Variants in DCAF8 observed in about 807,000 individuals in gnomAD.
DCAF8 encodes the protein DDB1 and CUL4 associated factor 8.
Under a neutral mutation model 68.0 loss-of-function variants are expected in DCAF8, and 20 were observed. That is an observed-to-expected ratio of 0.29 (90% CI 0.21 to 0.43). The LOEUF (loss-of-function observed/expected upper bound fraction) is 0.43. Among genes scored for constraint, DCAF8 ranks in the 20% least tolerant of loss-of-function variants. The pLI is 1.00. For synonymous variants in DCAF8, 230 were observed against 276.9 expected, an observed-to-expected ratio of 0.83 and a Z score of 1.68; for missense variants, 460 against 771.0, an observed-to-expected ratio of 0.60 and a Z score of 4.78.
chr1:160,254,386 A>G (rs905072023), intron 2 of DCAF8, among the ~76,000 whole-genome samples: 5 of 152,228 alleles, frequency 3.3e-5, no homozygotes, highest in African/African-American at 1.2e-4. Flanking sequence ...AACTATGTCT[A>G]AACAATAAAA....
chr1:160,262,409 G>T (rs1400853747), intron 1 of DCAF8, 40 bp downstream of exon 1: 2 of 400,598 alleles, frequency 5.0e-6, no homozygotes, highest in Non-Finnish European at 4.4e-6. Context: ...AGGCCCAGCC[G>T]CCCCGTCCAC....
At chr1:160,239,675 C>T (rs1486414717) in intron 4 of DCAF8, 22 bp downstream of exon 4, 7 of 1,614,098 alleles carry the variant, frequency 4.3e-6, no homozygotes, top group Non-Finnish European at 5.9e-6. Flanking sequence ...CTCTCAGTTG[C>T]TATTATGCTC....
chr1:160,243,406 CTTTT>C lies in DCAF8; in HGVS notation c.49+550_49+553del, dbSNP rs35258380. On this transcript the variant is annotated intron_variant, in intron 3 of 13. Transcript: ENST00000368074. ...GTAACTTCATCCCTTATGTAATCAC[CTTTT>C]TTTTTTTTTTTTTTAAAAAGACGGG... Among the ~76,000 whole-genome samples, 3 of 138,984 alleles carry C rather than the reference CTTTT, an allele frequency of 2.2e-5. No homozygotes were observed. In the Admixed American group the frequency reaches 2.2e-4, roughly 10 times the overall value. The allele number at this position is 138,984 out of a possible 152,430, so 91.2% of individuals were successfully genotyped here.
Position 160,224,430 on chromosome 1 carries a change from A to G in DCAF8, c.1309+12T>C. The G allele has an allele frequency of 6.2e-7, 1 of 1,603,986 alleles. No homozygotes were observed. The highest frequency in any genetic ancestry group is 8.5e-7 in the Non-Finnish European group (1 of 1,170,770). ...AGGCTTGGGCCAAAGAAACCTAGGA[A>G]GACAGTCTCACCTGTGGCATTATTT... On this transcript the variant is annotated intron_variant, in intron 10 of 13. Coordinates refer to ENST00000368074, the MANE Select transcript of DCAF8 (RefSeq NM_015726.4).
chr1:160,238,788 TGA>T (rs752353308), intron 4 of DCAF8, 41 bp from the exon 5 acceptor site: 23 of 1,556,396 alleles, frequency 1.5e-5, no homozygotes, highest in South Asian at 7.1e-5. Flanking sequence ...ACAAAAGAAA[TGA>T]GAGAGGTAAA....
At chr1:160,250,934 T>A (rs939020137) in intron 2 of DCAF8, among the ~76,000 whole-genome samples, 1 of 152,188 alleles carries the variant, frequency 6.6e-6, no homozygotes, top group Admixed American at 6.5e-5. Context: ...TACCTTACCT[T>A]GAGCCCGATC....
intron 2 of DCAF8, among the ~76,000 whole-genome samples, chr1:160,255,039 C>CATCCCATCT (rs1656771331): frequency 6.6e-6 from 1 of 152,168 alleles, no homozygotes; most frequent in Non-Finnish European, 1.5e-5. Context: ...CATCTCTATA[C>CATCCCATCT]CAGACTACAT....
chr1:160,244,139 A>G, intron 2 of DCAF8, 105 bp from the exon 3 acceptor site: 1 of 906,782 alleles, frequency 1.1e-6, no homozygotes, highest in Non-Finnish European at 1.8e-6. Flanking sequence ...TCATTTTTAT[A>G]AAAATGATTT....
chr1:160,218,164 C>T (rs1655185616), intron 13 of DCAF8, 160 bp downstream of exon 13: 3 of 678,828 alleles, frequency 4.4e-6, no homozygotes, highest in Non-Finnish European at 8.0e-6. Flanking sequence ...CTGCTGATGT[C>T]TCTTCCAAGG....
chr1:160,241,522 T>C (rs1216116159), intron 3 of DCAF8, among the ~76,000 whole-genome samples: 1 of 152,210 alleles, frequency 6.6e-6, no homozygotes, highest in Non-Finnish European at 1.5e-5. Flanking sequence ...TTATCTCCTA[T>C]AACTACATAC....
Position 160,238,733 on chromosome 1 carries a change from A to G in DCAF8, c.738T>C (p.Pro246=). 1 of 1,610,174 alleles carries G rather than the reference A, an allele frequency of 6.2e-7. No homozygotes were observed. The highest frequency in any genetic ancestry group is 8.5e-7 in the Non-Finnish European group (1 of 1,178,578). ...KSNVFQAKFL[P]NSGDSTLAMC... Reference sequence around the variant, plus strand: ...TGGCCAGAGTAGAATCACCACTGTTAGGAAGAAACTTGGCCTGGGGTGTTA... The same window carrying G: ...TGGCCAGAGTAGAATCACCACTGTTGGGAAGAAACTTGGCCTGGGGTGTTA... The change falls in exon 5 of 14, where the codon CCT becomes CCC. Residue 246 remains proline (P), a synonymous_variant. Coordinates refer to ENST00000368074, the MANE Select transcript of DCAF8 (RefSeq NM_015726.4).
chr1:160,224,979 T>G (rs967380612), intron 9 of DCAF8, 83 bp downstream of exon 9: 24 of 1,334,642 alleles, frequency 1.8e-5, no homozygotes, highest in African/African-American at 4.3e-5. Context: ...TGGTGAGCAC[T>G]GGAGGGCACA....
intron 4 of DCAF8, 62 bp from the exon 5 acceptor site, chr1:160,238,809 T>TA: frequency 1.4e-6 from 2 of 1,477,958 alleles, no homozygotes; most frequent in Non-Finnish European, 1.8e-6. Context: ...AACTTGAGAA[T>TA]AAAAAATACG....
chr1:160,236,509 T>C (rs1046771492), intron 6 of DCAF8, among the ~76,000 whole-genome samples: 2 of 151,884 alleles, frequency 1.3e-5, no homozygotes, highest in African/African-American at 2.4e-5. Context: ...GGGAAAAAAA[T>C]ATGCCCATAG....
At chr1:160,236,263 A>AAC (rs1298228603) in intron 6 of DCAF8, among the ~76,000 whole-genome samples, 2 of 144,474 alleles carry the variant, frequency 1.4e-5, no homozygotes, top group East Asian at 4.1e-4. Flanking sequence ...ATCACACACA[A>AAC]ACACACACAC....
rs1248966211 is a variant in DCAF8, at chr1:160,261,292, C to A, written c.-34G>T. On this transcript the variant is annotated 5_prime_UTR_variant, in exon 2 of 14. Coordinates refer to ENST00000368074, the MANE Select transcript of DCAF8 (RefSeq NM_015726.4). ...CCTCCAACTCCCACTCACCTTTCCT[C>A]CTTTTATCACTGAAGTAAGGCCAGG... 1 of 152,222 alleles carries A rather than the reference C, an allele frequency of 6.6e-6. No individual in the cohort carries two copies. Among genetic ancestry groups the A allele is most frequent in the Non-Finnish European group, 1.5e-5 (1 of 68,048 alleles). 9.4% of individuals were successfully genotyped at this position (152,222 alleles called of 1,614,324 possible).
At chr1:160,253,528 A>T (rs1265130439) in intron 2 of DCAF8, among the ~76,000 whole-genome samples, 1 of 151,750 alleles carries the variant, frequency 6.6e-6, no homozygotes, top group Non-Finnish European at 1.5e-5. Flanking sequence ...TACGCCTGTG[A>T]TTCCAGCTAC....
chr1:160,240,341 A>G lies in DCAF8; in HGVS notation c.79T>C (p.Ser27Pro). The G allele has an allele frequency of 6.2e-7, 1 of 1,613,310 alleles. No homozygotes were observed. Among genetic ancestry groups the G allele is most frequent in the South Asian group, 1.1e-5 (1 of 91,032 alleles). The change falls in exon 4 of 14, where the codon TCT becomes CCT. Residue 27 changes from serine (S) to proline (P), a missense_variant. By Grantham distance (74) the Ser-to-Pro change is moderately conservative. Coordinates refer to ENST00000368074, the MANE Select transcript of DCAF8 (RefSeq NM_015726.4). ...GTCTCCCTCCCCTCTTCAGCTCCAG[A>G]CATCTCCTCTGGACTGCTAGACAGG... ...GSLSSSPEEMSGAEEGRETSS... is the reference protein window; with the variant it reads ...GSLSSSPEEMPGAEEGRETSS...
intron 4 of DCAF8, chr1:160,239,335 G>GCC (rs894519239): frequency 4.3e-5 from 54 of 1,246,510 alleles, no homozygotes; most frequent in Non-Finnish European, 5.6e-5. Flanking sequence ...CAGATAAACT[G>GCC]AAGACAAAGG....
Sources: allele counts gnomAD v4.1 joint callset (sites outside exome capture counted in the v4.1 genomes callset), GRCh38; gene constraint gnomAD v4.1.1; transcripts MANE v1.5; gene names NCBI Gene and HGNC (gene_info 2026-07-23, HGNC 2026-07-21).